The following CNTNAP2 variants were observed in gnomAD, a reference collection of about 807,000 sequenced individuals.
CNTNAP2 encodes contactin-associated protein-like 2.
Under a neutral mutation model 155.2 loss-of-function variants are expected in CNTNAP2, and 98 were observed. The ratio of observed to expected loss-of-function variants is 0.63; its 90% confidence interval spans 0.54 to 0.75. The LOEUF (loss-of-function observed/expected upper bound fraction) is 0.75, where lower values mean the gene tolerates loss of function less well. CNTNAP2 is among the 30% of genes least tolerant of loss of function. CNTNAP2 has a pLI of 0.00. For synonymous variants in CNTNAP2, 651 were observed against 631.2 expected (o/e 1.03, Z -0.47); for missense variants, 1,727 against 1,688.1 (o/e 1.02, Z -0.40).
chr7:148,321,897 C>CT (rs201482522), intron 21 of CNTNAP2, among the ~76,000 whole-genome samples: 7,416 of 141,410 alleles, frequency 0.052, 352 homozygotes, highest in Admixed American at 0.14. Context: ...ATAAATTCTT[C>CT]TTTTTTTTTT....
chr7:146,172,397 A>G (rs1798407878), intron 1 of CNTNAP2, among the ~76,000 whole-genome samples: 1 of 152,086 alleles, frequency 6.6e-6, no homozygotes, highest in Admixed American at 6.6e-5. Context: ...CCAGCATATC[A>G]ATAGTACCAA....
intron 3 of CNTNAP2, among the ~76,000 whole-genome samples, chr7:146,911,624 T>G (rs889101834): frequency 4.2e-5 from 5 of 119,596 alleles, no homozygotes; most frequent in African/African-American, 6.5e-5. Context: ...CATGGACACA[T>G]GAAGGGGAGT....
intron 13 of CNTNAP2, among the ~76,000 whole-genome samples, chr7:147,728,050 G>A (rs1796673757): frequency 6.6e-6 from 1 of 151,882 alleles, no homozygotes; most frequent in African/African-American, 2.4e-5. Flanking sequence ...ATTGTTTTGG[G>A]CTCGCCATCC....
chr7:146,811,392 G>C (rs1030950419), intron 2 of CNTNAP2, among the ~76,000 whole-genome samples: 2 of 151,906 alleles, frequency 1.3e-5, no homozygotes, highest in Non-Finnish European at 2.9e-5. Context: ...GAATTTATCT[G>C]TTTCTTTGAA....
chr7:146,817,530 C>A (rs534399184), intron 2 of CNTNAP2, among the ~76,000 whole-genome samples: 8 of 152,098 alleles, frequency 5.3e-5, no homozygotes, highest in Non-Finnish European at 1.2e-4. Context: ...GTTTTATTGG[C>A]CATGGTTCTG....
At chr7:146,889,486 A>C (rs538933335) in intron 3 of CNTNAP2, among the ~76,000 whole-genome samples, 1 of 152,200 alleles carries the variant, frequency 6.6e-6, no homozygotes, top group Non-Finnish European at 1.5e-5. Flanking sequence ...GTGTCTTCCC[A>C]ATACTAAGCT....
chr7:147,681,815 C>T (rs1563051246), intron 13 of CNTNAP2, among the ~76,000 whole-genome samples: 1 of 151,528 alleles, frequency 6.6e-6, no homozygotes, highest in African/African-American at 2.4e-5. Context: ...GAGAGAGAGA[C>T]TACATTCATG....
At chr7:147,615,041 C>A (rs2116882869) in intron 12 of CNTNAP2, among the ~76,000 whole-genome samples, 1 of 149,366 alleles carries the variant, frequency 6.7e-6, no homozygotes, top group South Asian at 2.1e-4. Context: ...TTGCTTGAAC[C>A]TAGGAATTCA....
At chr7:147,462,824 G>A (rs1480582468) in intron 10 of CNTNAP2, among the ~76,000 whole-genome samples, 1 of 152,126 alleles carries the variant, frequency 6.6e-6, no homozygotes, top group South Asian at 2.1e-4. Flanking sequence ...TGTCACCCAG[G>A]CTGGAGTGCA....
At position 148,198,322 on chromosome 7, in the gene CNTNAP2, T is replaced by C. The variant is rs148547436; in HGVS notation, c.3011-18966T>C. ...GGGGCATGATCCAAGAAGTAAGAAA[T>C]GTGTGAGAAGTTTCATAAAGGTTGA... On this transcript the variant is annotated intron_variant, in intron 18 of 23. Coordinates refer to ENST00000361727, the MANE Select transcript of CNTNAP2 (RefSeq NM_014141.6). Among the ~76,000 whole-genome samples, 24 of 152,290 alleles carry C rather than the reference T, an allele frequency of 1.6e-4. No individual in the cohort carries two copies. The East Asian group carries it at 4.6e-3, about 29-fold the overall frequency.
intron 3 of CNTNAP2, among the ~76,000 whole-genome samples, chr7:146,840,666 G>C (rs75329097): frequency 8.6e-5 from 13 of 151,900 alleles, no homozygotes; most frequent in Admixed American, 6.6e-5. Flanking sequence ...AAGAGGAAAG[G>C]GTTCACTTTT....
intron 21 of CNTNAP2, among the ~76,000 whole-genome samples, chr7:148,315,614 CA>C (rs1274044060): frequency 2.0e-5 from 3 of 152,080 alleles, no homozygotes; most frequent in Non-Finnish European, 4.4e-5. Flanking sequence ...AGAGGCCTGA[CA>C]AAAATGTTGT....
chr7:148,342,565 G>T (rs1248020665), intron 21 of CNTNAP2, among the ~76,000 whole-genome samples: 1 of 152,200 alleles, frequency 6.6e-6, no homozygotes, highest in East Asian at 1.9e-4. Context: ...GGCCTCCCAT[G>T]ATTGCACTGC....
chr7:148,065,008 C>T (rs184214132), intron 15 of CNTNAP2, among the ~76,000 whole-genome samples: 6 of 152,000 alleles, frequency 3.9e-5, no homozygotes, highest in Non-Finnish European at 8.8e-5. Flanking sequence ...TCATTCGGTT[C>T]GAAGAATTTT....
At chr7:147,519,817 G>A (rs1016263187) in intron 11 of CNTNAP2, among the ~76,000 whole-genome samples, 2 of 152,160 alleles carry the variant, frequency 1.3e-5, no homozygotes, top group African/African-American at 2.4e-5. Context: ...GTGAGCCACA[G>A]TCGTACCACT....
intron 1 of CNTNAP2, among the ~76,000 whole-genome samples, chr7:146,308,260 A>G (rs1800752763): frequency 6.6e-6 from 1 of 151,752 alleles, no homozygotes; most frequent in Admixed American, 6.5e-5. Flanking sequence ...GAGAAATGCA[A>G]ATCAAAAACA....
At chr7:146,531,808 G>A (rs184590293) in intron 1 of CNTNAP2, among the ~76,000 whole-genome samples, 5 of 152,234 alleles carry the variant, frequency 3.3e-5, no homozygotes, top group Admixed American at 6.5e-5. Flanking sequence ...GCCTCCCAAA[G>A]TGCTGGGATT....
At chr7:148,353,058 A>G (rs1798455552) in intron 21 of CNTNAP2, among the ~76,000 whole-genome samples, 1 of 152,192 alleles carries the variant, frequency 6.6e-6, no homozygotes. Context: ...AGTAGTATGC[A>G]CTGTGAATGC....
At chr7:146,414,000 C>T (rs1795902865) in intron 1 of CNTNAP2, among the ~76,000 whole-genome samples, 1 of 152,064 alleles carries the variant, frequency 6.6e-6, no homozygotes. Flanking sequence ...AAAATTGATA[C>T]AAGAAAACTT....
Sources: allele counts gnomAD v4.1 joint callset (sites outside exome capture counted in the v4.1 genomes callset), GRCh38; gene constraint gnomAD v4.1.1; transcripts MANE v1.5; gene names NCBI Gene and HGNC (gene_info 2026-07-23, HGNC 2026-07-21).